Variants in THSD7A observed in about 807,000 individuals in gnomAD.
THSD7A encodes thrombospondin type-1 domain-containing protein 7A.
THSD7A carries 96 observed loss-of-function variants against 231.3 expected under a neutral mutation model. The ratio of observed to expected loss-of-function variants is 0.41; its 90% CI spans 0.35 to 0.49. THSD7A has a LOEUF of 0.49. Among genes scored for constraint, THSD7A ranks in the 20% least tolerant of loss-of-function variants. The pLI is 0.05. For missense variants in THSD7A, 2,290 were observed against 2,070.2 expected (o/e 1.11, Z -2.06); for synonymous variants, 940 against 743.3 (o/e 1.26, Z -4.30).
chr7:11,822,763 G>A (rs1403389991), intron 1 of THSD7A, among the ~76,000 whole-genome samples: 3 of 151,786 alleles, frequency 2.0e-5, no homozygotes, highest in Non-Finnish European at 4.4e-5. Flanking sequence ...CCACTTTTTA[G>A]TGGGATTTTT....
In THSD7A at chr7:11,636,716, A is replaced by C. The variant is rs758571231; in HGVS notation, c.436T>G (p.Cys146Gly). The C allele has an allele frequency of 1.2e-6, 2 of 1,613,718 alleles. No homozygotes were observed. Among genetic ancestry groups the C allele is most frequent in the Non-Finnish European group, 1.7e-6 (2 of 1,179,878 alleles). Reference protein sequence around the residue: ...ISKSLEKPLECIKGEEGIQVR... With the variant: ...ISKSLEKPLEGIKGEEGIQVR... ...TGAATACCTTCTTCCCCCTTAATGCACTCAAGAGGTTTCTCTAGGCTTTTT... is the reference window on the plus strand; with the variant it reads ...TGAATACCTTCTTCCCCCTTAATGCCCTCAAGAGGTTTCTCTAGGCTTTTT... The change falls in exon 2 of 28, where the codon TGC becomes GGC. Residue 146 changes from cysteine (C) to glycine (G), a missense_variant. Cys to Gly is a radical substitution (Grantham distance 159). Coordinates refer to ENST00000423059, the MANE Select transcript of THSD7A (RefSeq NM_015204.3). The surrounding 1 kb of genome is among the most constrained non-coding windows in gnomAD (Gnocchi z 10.0).
intron 1 of THSD7A, among the ~76,000 whole-genome samples, chr7:11,775,646 G>A (rs1175468337): frequency 6.6e-6 from 1 of 152,120 alleles, no homozygotes; most frequent in Non-Finnish European, 1.5e-5. Context: ...CAAATTACTA[G>A]AGACAAAAAC....
At position 11,777,075 on chromosome 7, in the gene THSD7A, AT is replaced by A. The variant is rs1264987611; in HGVS notation, c.190+54681del. Among the ~76,000 whole-genome samples, 9 of 152,168 alleles carry A rather than the reference AT, an allele frequency of 5.9e-5. 1 individual carries two copies. In the East Asian group the frequency reaches 1.7e-3, roughly 29 times the overall value. On this transcript the variant is annotated intron_variant, in intron 1 of 27. Transcript: ENST00000423059. ...CATTTTCAAGAACAAAGTGATGTTTATTTTGCAAGACAGCAAATGACCAGAG... is the reference window on the plus strand; with the variant it reads ...CATTTTCAAGAACAAAGTGATGTTTATTTGCAAGACAGCAAATGACCAGAG...
chr7:11,596,069 C>A (rs1780348436), intron 2 of THSD7A, among the ~76,000 whole-genome samples: 1 of 152,218 alleles, frequency 6.6e-6, no homozygotes. Context: ...ATCATGGCCC[C>A]TCAATCAATT....
chr7:11,519,140 A>G (rs1043278124), intron 6 of THSD7A, among the ~76,000 whole-genome samples: 1 of 151,532 alleles, frequency 6.6e-6, no homozygotes, highest in East Asian at 1.9e-4. Flanking sequence ...TTGAAGTAAA[A>G]GTTATAGACA....
At chr7:11,652,305 C>T (rs1169867933) in intron 1 of THSD7A, among the ~76,000 whole-genome samples, 1 of 151,862 alleles carries the variant, frequency 6.6e-6, no homozygotes, top group Non-Finnish European at 1.5e-5. Flanking sequence ...ACTGGCATTA[C>T]TACAAATAAT....
intron 6 of THSD7A, among the ~76,000 whole-genome samples, chr7:11,485,465 G>A (rs73677717): frequency 0.018 from 2,750 of 152,178 alleles, 87 homozygotes; most frequent in African/African-American, 0.062. Context: ...CTTCTGTCAG[G>A]CACTATGCTA....
rs767239733 is a variant in THSD7A, at chr7:11,447,289, T to C, written c.2741A>G (p.Lys914Arg). The C allele has an allele frequency of 4.3e-6, 7 of 1,612,968 alleles. No individual in the cohort carries two copies. Among genetic ancestry groups the C allele is most frequent in the Admixed American group, 1.7e-5 (1 of 59,830 alleles). Residue 914 changes from lysine (K) to arginine (R), a missense_variant, in exon 12 of 28, where the codon AAG becomes AGG. Coordinates refer to ENST00000423059, the MANE Select transcript of THSD7A (RefSeq NM_015204.3). The stretch of plus-strand genomic sequence containing the variant: ...ACAGTCTCCATTGCATGAAGAAAAC[T>C]TGGACCAGCTGGTCAATTGACAGTC... ...QDDCQLTSWS[K>R]FSSCNGDCGA...
At chr7:11,797,435 C>G (rs78637597) in intron 1 of THSD7A, among the ~76,000 whole-genome samples, 3,089 of 57,030 alleles carry the variant, frequency 0.054, 96 homozygotes, top group African/African-American at 0.17. Flanking sequence ...TTTTTTTTTT[C>G]AGACAGGGTC....
chr7:11,711,674 A>G (rs576197585), intron 1 of THSD7A, among the ~76,000 whole-genome samples: 1 of 151,250 alleles, frequency 6.6e-6, no homozygotes, highest in African/African-American at 2.4e-5. Flanking sequence ...AAAAATTTCA[A>G]CTGGTTACTT....
rs568175802 is a variant in THSD7A at position 11,529,219 on chromosome 7, T to G, written c.1822+12200A>C. On this transcript the variant is annotated intron_variant, in intron 6 of 27. Transcript: ENST00000423059. Reference sequence around the variant, plus strand: ...GCTCAATGTCAACTCAGAGATATGTTTCTCTGTAAAACAGGTGAAATAATT... The same window carrying G: ...GCTCAATGTCAACTCAGAGATATGTGTCTCTGTAAAACAGGTGAAATAATT... Among the ~76,000 whole-genome samples the G allele has an allele frequency of 5.9e-5, 9 of 152,292 alleles. No individual in the cohort carries two copies. In the South Asian group the frequency reaches 1.2e-3, roughly 21 times the overall value.
At chr7:11,379,832 T>C (rs911454335) in intron 24 of THSD7A, 120 bp from the exon 25 acceptor site, 2 of 1,086,370 alleles carry the variant, frequency 1.8e-6, no homozygotes, top group African/African-American at 1.6e-5. Flanking sequence ...AATTTTTCTG[T>C]CAGTGGTTGA....
chr7:11,444,874 ATAAC>A lies in THSD7A; in HGVS notation c.3064+1183_3064+1186del, dbSNP rs1040188546. ...TATATATATAAAACTATCATTATAT[ATAAC>A]TATTTTATATATATATAAAATGCTG... On this transcript the variant is annotated intron_variant, in intron 13 of 27. Coordinates refer to ENST00000423059, the MANE Select transcript of THSD7A (RefSeq NM_015204.3). This position sits in a 1 kb window ranked among gnomAD's most constrained non-coding sequence, Gnocchi z 4.2. 5.2e-4 allele frequency among the ~76,000 whole-genome samples: 77 copies of A among 147,754 alleles called. No individual in the cohort carries two copies. The highest frequency in any genetic ancestry group is 3.6e-3 in the Middle Eastern group (1 of 280).
intron 4 of THSD7A, among the ~76,000 whole-genome samples, chr7:11,543,462 G>A (rs1789239468): frequency 6.6e-6 from 1 of 152,154 alleles, no homozygotes. Context: ...TTCTAAGAAA[G>A]TAAAAGAAAA....
At chr7:11,532,710 G>A (rs1346836757) in intron 6 of THSD7A, among the ~76,000 whole-genome samples, 1 of 152,038 alleles carries the variant, frequency 6.6e-6, no homozygotes, top group Non-Finnish European at 1.5e-5. Flanking sequence ...GAAATTCCCA[G>A]GAAAAATGTT....
At chr7:11,816,034 T>C (rs1784685831) in intron 1 of THSD7A, among the ~76,000 whole-genome samples, 1 of 152,230 alleles carries the variant, frequency 6.6e-6, no homozygotes, top group Non-Finnish European at 1.5e-5. Context: ...TTGTGTCTTA[T>C]GAAAGTTTTC....
At chr7:11,575,887 T>C (rs1464586409) in intron 4 of THSD7A, among the ~76,000 whole-genome samples, 3 of 152,242 alleles carry the variant, frequency 2.0e-5, no homozygotes, top group African/African-American at 4.8e-5. Context: ...AAGATGTTAA[T>C]AAGTTGTAAT....
At chr7:11,555,486 C>T (rs566830702) in intron 4 of THSD7A, among the ~76,000 whole-genome samples, 3 of 151,954 alleles carry the variant, frequency 2.0e-5, no homozygotes, top group African/African-American at 7.2e-5. Flanking sequence ...TGGATGATGA[C>T]ATGGTCTATT....
intron 2 of THSD7A, among the ~76,000 whole-genome samples, chr7:11,615,330 G>C (rs1781070077): frequency 6.6e-6 from 1 of 152,168 alleles, no homozygotes; most frequent in Admixed American, 6.5e-5. Flanking sequence ...ACAGTCAGTG[G>C]TGAGCAGAGG....
Sources: gnomAD v4.1 joint callset for allele counts (sites outside exome capture counted in the v4.1 genomes callset) on GRCh38, gnomAD v4.1.1 for gene constraint, Gnocchi (gnomAD v3.1) non-coding constraint, MANE v1.5 for transcripts, NCBI Gene and HGNC (gene_info 2026-07-23, HGNC 2026-07-21) for gene names.